The following RFC3 variants were observed in gnomAD, a reference collection of about 807,000 sequenced individuals.
The protein encoded by RFC3 is A1 38 kDa subunit.
Under a neutral mutation model 45.1 loss-of-function variants are expected in RFC3, and 41 were observed. That is an observed-to-expected ratio of 0.91 (90% CI 0.71 to 1.18). RFC3 has a LOEUF of 1.18. Ranked by LOEUF, RFC3 falls within the 50% of genes most tolerant of loss-of-function variation. The probability of loss-of-function intolerance (pLI) is 0.00; values close to 1 mark genes in which losing one functional copy is unlikely to be tolerated. For missense variants in RFC3, 423 were observed against 428.1 expected (o/e 0.99, Z 0.10); for synonymous variants, 149 against 144.0 (o/e 1.03, Z -0.25).
At chr13:33,862,793 A>G (rs1337298267) in intron 8 of RFC3, among the ~76,000 whole-genome samples, 1 of 152,156 alleles carries the variant, frequency 6.6e-6, no homozygotes, top group Non-Finnish European at 1.5e-5. Flanking sequence ...AATGTTCCCA[A>G]ATTATACAAG....
chr13:33,899,957 G>A (rs963613393), intron 8 of RFC3, among the ~76,000 whole-genome samples: 1 of 151,720 alleles, frequency 6.6e-6, no homozygotes, highest in Non-Finnish European at 1.5e-5. Context: ...AAACACCTAG[G>A]AATCAATTTA....
In RFC3 at chr13:33,859,354, A is replaced by G. The variant is rs568679306; in HGVS notation, c.879+24137A>G. 3.9e-5 allele frequency among the ~76,000 whole-genome samples: 6 copies of G among 152,356 alleles called. No individual in the cohort carries two copies. The South Asian group carries it at 8.3e-4, about 21-fold the overall frequency. On this transcript the variant is annotated intron_variant, in intron 8 of 8. Transcript: ENST00000434425. ...CAAACCAACCCAACATACTTATAAT[A>G]GAGACGATAATCAATCTAAATGCCC...
intron 8 of RFC3, among the ~76,000 whole-genome samples, chr13:33,852,350 G>A (rs76590356): frequency 4.0e-4 from 61 of 152,294 alleles, no homozygotes; most frequent in African/African-American, 1.4e-3. Context: ...CTATGTGTAA[G>A]TAGTCAGGCT....
At chr13:33,903,977 G>A (rs942910806) in intron 8 of RFC3, among the ~76,000 whole-genome samples, 1 of 151,954 alleles carries the variant, frequency 6.6e-6, no homozygotes, top group South Asian at 2.1e-4. Flanking sequence ...CACTAACATC[G>A]TTTTCTTCCC....
chr13:33,952,794 T>A (rs1380481004), intron 8 of RFC3, among the ~76,000 whole-genome samples: 1 of 152,176 alleles, frequency 6.6e-6, no homozygotes, highest in Non-Finnish European at 1.5e-5. Flanking sequence ...AGGATTTCAC[T>A]CCTCCCAAAG....
chr13:33,951,039 CTTTTTT>C (rs926664684), intron 8 of RFC3, among the ~76,000 whole-genome samples: 9 of 60,816 alleles, frequency 1.5e-4, no homozygotes, highest in Admixed American at 1.2e-3. Context: ...TCTGATGGCT[CTTTTTT>C]TTTTTTTTTT....
At chr13:33,922,622 A>G (rs1361084622) in intron 8 of RFC3, among the ~76,000 whole-genome samples, 1 of 152,182 alleles carries the variant, frequency 6.6e-6, no homozygotes, top group Admixed American at 6.5e-5. Context: ...AAGTCTTGCC[A>G]TAAAACCTTT....
intron 8 of RFC3, among the ~76,000 whole-genome samples, chr13:33,916,289 C>G (rs1276548015): frequency 6.6e-6 from 1 of 152,052 alleles, no homozygotes; most frequent in African/African-American, 2.4e-5. Flanking sequence ...AACTGTTTTC[C>G]TTAAGACCCA....
At chr13:33,902,877 G>A (rs1422130895) in intron 8 of RFC3, among the ~76,000 whole-genome samples, 4 of 151,410 alleles carry the variant, frequency 2.6e-5, no homozygotes, top group African/African-American at 9.7e-5. Flanking sequence ...AATTGTCTTG[G>A]GCCACACTTA....
chr13:33,831,710 T>C (rs1350966744), intron 7 of RFC3, among the ~76,000 whole-genome samples: 2 of 152,184 alleles, frequency 1.3e-5, no homozygotes, highest in Non-Finnish European at 2.9e-5. Context: ...TGTAAAACTT[T>C]GTAATCAATG....
chr13:33,838,343 G>A (rs1372105507), downstream of RFC3, among the ~76,000 whole-genome samples: 2 of 152,040 alleles, frequency 1.3e-5, no homozygotes, highest in Non-Finnish European at 2.9e-5. Flanking sequence ...CATGGTAGGA[G>A]TATTTCTTAT....
chr13:33,861,991 T>G (rs554807140), intron 8 of RFC3, among the ~76,000 whole-genome samples: 2 of 152,322 alleles, frequency 1.3e-5, no homozygotes, highest in Admixed American at 6.5e-5. Flanking sequence ...AAAATATGCT[T>G]CTTGCAATTT....
At chr13:33,820,516 CAG>C (rs1455078324) in intron 1 of RFC3, among the ~76,000 whole-genome samples, 1 of 152,200 alleles carries the variant, frequency 6.6e-6, no homozygotes, top group Middle Eastern at 3.2e-3. Context: ...GGATCAAACA[CAG>C]ATACCTAGAG....
chr13:33,827,217 A>T (rs1484121324), intron 4 of RFC3, among the ~76,000 whole-genome samples: 1 of 152,178 alleles, frequency 6.6e-6, no homozygotes, highest in Non-Finnish European at 1.5e-5. Context: ...TGAGCCCAGG[A>T]ATTCAAGGTT....
intron 8 of RFC3, among the ~76,000 whole-genome samples, chr13:33,872,843 G>T (rs1256652241): frequency 1.5e-5 from 2 of 134,264 alleles, no homozygotes; most frequent in African/African-American, 2.8e-5. Flanking sequence ...TTGAATGTTT[G>T]CAGGGTGTTG....
chr13:33,826,418 C>A (rs970761373), intron 4 of RFC3, among the ~76,000 whole-genome samples: 4 of 152,126 alleles, frequency 2.6e-5, no homozygotes, highest in Non-Finnish European at 5.9e-5. Context: ...GTGACATTTA[C>A]CAACACTGAG....
chr13:33,969,194 A>G (rs780223126), downstream of RFC3, among the ~76,000 whole-genome samples: 5 of 152,244 alleles, frequency 3.3e-5, no homozygotes, highest in Admixed American at 1.3e-4. Flanking sequence ...GCTGGATGAA[A>G]AGTGTCCTTT....
intron 8 of RFC3, among the ~76,000 whole-genome samples, chr13:33,930,186 G>A (rs1474361439): frequency 6.6e-6 from 1 of 152,084 alleles, no homozygotes; most frequent in Non-Finnish European, 1.5e-5. Context: ...ATGAAGGGGA[G>A]CTTATTAAGG....
downstream of RFC3, among the ~76,000 whole-genome samples, chr13:33,967,929 A>G (rs1334995901): frequency 1.3e-5 from 2 of 152,256 alleles, no homozygotes; most frequent in South Asian, 2.1e-4. Context: ...ATTGACATCC[A>G]TAAAGCTCTT....
Sources: allele counts gnomAD v4.1 joint callset (sites outside exome capture counted in the v4.1 genomes callset), GRCh38; gene constraint gnomAD v4.1.1; transcripts MANE v1.5; gene names NCBI Gene and HGNC (gene_info 2026-07-23, HGNC 2026-07-21).